The following OPHN1 variants were observed in gnomAD, a reference collection of about 807,000 sequenced individuals.
OPHN1 encodes the protein oligophrenin 1, also known as oligophrenin-1.
In OPHN1, 11 loss-of-function variants were observed where a neutral mutation model predicts 60.7. That is an observed-to-expected ratio of 0.18 (90% CI 0.11 to 0.30). The LOEUF (loss-of-function observed/expected upper bound fraction) is 0.30. Ranked by LOEUF, OPHN1 falls within the 10% of genes least tolerant of loss-of-function variation. The pLI is 1.00. For missense variants in OPHN1, 449 were observed against 611.0 expected, an observed-to-expected ratio of 0.73 and a Z score of 2.80; for synonymous variants, 226 against 222.6, an observed-to-expected ratio of 1.02 and a Z score of -0.14.
intron 2 of OPHN1, among the ~76,000 whole-genome samples, chrX:68,364,080 G>A (rs765303834): frequency 5.2e-4 from 58 of 111,881 alleles, no homozygotes; most frequent in Non-Finnish European, 7.0e-4. Flanking sequence ...ACGAGAGACT[G>A]GATTTTCTCA....
intron 10 of OPHN1, among the ~76,000 whole-genome samples, chrX:68,205,026 G>A (rs760321920): frequency 8.9e-6 from 1 of 112,271 alleles, no homozygotes; most frequent in East Asian, 2.8e-4. Context: ...AATCAGCTAA[G>A]TTCTGACTGA....
At chrX:68,272,167 A>G (rs1316561490) in intron 5 of OPHN1, among the ~76,000 whole-genome samples, 9 of 111,779 alleles carry the variant, frequency 8.1e-5, no homozygotes, top group Non-Finnish European at 9.4e-5. Context: ...GGGGTAGCCT[A>G]TAAGCTTCAT....
chrX:68,392,819 C>T (rs183694678), intron 2 of OPHN1, among the ~76,000 whole-genome samples: 130 of 109,034 alleles, frequency 1.2e-3, no homozygotes, highest in African/African-American at 4.2e-3. Context: ...AGCCAAACTC[C>T]AGGGGAAGAT....
chrX:68,317,380 G>GAAAGAAAGAAAGAAAGAAAGGAAGA (rs397961005), intron 2 of OPHN1, among the ~76,000 whole-genome samples: 1 of 26,117 alleles, frequency 3.8e-5, no homozygotes, highest in African/African-American at 1.4e-4. Flanking sequence ...AGAAAGAAAG[G>GAAAGAAAGAAAGAAAGAAAGGAAGA]AAGGAAGGAA....
chrX:68,159,649 G>A (rs1569228616), intron 15 of OPHN1, among the ~76,000 whole-genome samples: 1 of 111,569 alleles, frequency 9.0e-6, no homozygotes, highest in Non-Finnish European at 1.9e-5. Flanking sequence ...GTATTTAGAC[G>A]TCATATGTGT....
intron 5 of OPHN1, among the ~76,000 whole-genome samples, chrX:68,245,091 A>C (rs144608785): frequency 8.9e-6 from 1 of 111,882 alleles, no homozygotes; most frequent in Non-Finnish European, 1.9e-5. Flanking sequence ...GTAGAAGTAG[A>C]TAACCTTGTG....
At chrX:68,363,093 CA>C (rs1358410720) in intron 2 of OPHN1, among the ~76,000 whole-genome samples, 2 of 108,671 alleles carry the variant, frequency 1.8e-5, no homozygotes, top group Non-Finnish European at 3.8e-5. Flanking sequence ...ACTAAAAATA[CA>C]AAAATTAGCC....
intron 15 of OPHN1, among the ~76,000 whole-genome samples, chrX:68,140,421 C>T (rs1172772301): frequency 2.7e-5 from 3 of 111,955 alleles, no homozygotes; most frequent in African/African-American, 9.8e-5. Context: ...GTAGTTACCA[C>T]AATTCTTAGC....
rs749541547 is a variant in OPHN1 at position 68,224,081 on chromosome X, A to G, written c.487-10109T>C. On this transcript the variant is annotated intron_variant, in intron 6 of 24. Transcript: ENST00000355520. ...AATCCGTATGGACATTGTTGACCTG[A>G]ACAGCACCATTGATCAACTGAATCT... Among the ~76,000 whole-genome samples, 4 of 111,714 alleles carry G rather than the reference A, an allele frequency of 3.6e-5. No homozygotes were observed. The East Asian group carries it at 1.1e-3, about 32-fold the overall frequency.
At chrX:68,333,779 A>G (rs1325158619) in intron 2 of OPHN1, among the ~76,000 whole-genome samples, 1 of 110,991 alleles carries the variant, frequency 9.0e-6, no homozygotes, top group Non-Finnish European at 1.9e-5. Flanking sequence ...GTACCTCTCT[A>G]TTGGGAAGCA....
chrX:68,304,160 A>C (rs1313208912), intron 2 of OPHN1, among the ~76,000 whole-genome samples: 1 of 111,811 alleles, frequency 8.9e-6, no homozygotes, highest in Admixed American at 9.6e-5. Context: ...TTATATACAC[A>C]TATTGAAATA....
chrX:68,157,143 C>T (rs1308875206), intron 15 of OPHN1, among the ~76,000 whole-genome samples: 2 of 111,655 alleles, frequency 1.8e-5, no homozygotes, highest in Admixed American at 1.9e-4. Flanking sequence ...AATATATTTC[C>T]TCAGTTGCAC....
At chrX:68,405,399 C>A (rs993731778) in intron 2 of OPHN1, among the ~76,000 whole-genome samples, 1 of 111,809 alleles carries the variant, frequency 8.9e-6, no homozygotes, top group Non-Finnish European at 1.9e-5. Flanking sequence ...CTATGCTGCC[C>A]AGGCTGGTCT....
intron 2 of OPHN1, among the ~76,000 whole-genome samples, chrX:68,340,415 T>C (rs1307526370): frequency 2.7e-5 from 3 of 112,226 alleles, no homozygotes; most frequent in Non-Finnish European, 3.8e-5. Context: ...TACACATTTG[T>C]GGTCAATTTA....
chrX:68,384,806 C>A (rs2078616288), intron 2 of OPHN1, among the ~76,000 whole-genome samples: 1 of 111,325 alleles, frequency 9.0e-6, no homozygotes, highest in Non-Finnish European at 1.9e-5. Context: ...AGTAACTCAG[C>A]ACTGGAAAAT....
intron 2 of OPHN1, among the ~76,000 whole-genome samples, chrX:68,392,278 T>C (rs757445378): frequency 1.8e-5 from 2 of 111,886 alleles, no homozygotes; most frequent in Non-Finnish European, 3.8e-5. Context: ...TTTTCTTTCC[T>C]CTAGCTTACT....
At chrX:68,173,610 T>C (rs1432005605) in intron 15 of OPHN1, among the ~76,000 whole-genome samples, 3 of 110,878 alleles carry the variant, frequency 2.7e-5, no homozygotes, top group Non-Finnish European at 3.8e-5. Flanking sequence ...TTGGAACCTG[T>C]TGGGGAATAA....
chrX:68,421,813 G>C (rs2078827721), intron 2 of OPHN1, among the ~76,000 whole-genome samples: 1 of 111,302 alleles, frequency 9.0e-6, no homozygotes, highest in Non-Finnish European at 1.9e-5. Context: ...GCTGCCTTAG[G>C]ATAAAAATAA....
chrX:68,208,434 G>A (rs200673184), intron 9 of OPHN1, among the ~76,000 whole-genome samples: 10 of 111,699 alleles, frequency 9.0e-5, no homozygotes, highest in African/African-American at 2.9e-4. Flanking sequence ...CATCATTCAA[G>A]TTCTAGTTCA....
Sources: gnomAD v4.1 joint callset for allele counts (sites outside exome capture counted in the v4.1 genomes callset) on GRCh38, gnomAD v4.1.1 for gene constraint, MANE v1.5 for transcripts, NCBI Gene and HGNC (gene_info 2026-07-23, HGNC 2026-07-21) for gene names.